Variants in CA8 observed in about 807,000 individuals in gnomAD.
The protein encoded by CA8 is carbonic anhydrase-related protein.
CA8 carries 22 observed loss-of-function variants against 41.4 expected under a neutral mutation model. That is an observed-to-expected ratio of 0.53 (90% CI 0.38 to 0.76). CA8 has a LOEUF of 0.76. Ranked by LOEUF, CA8 falls within the 30% of genes least tolerant of loss-of-function variation. The pLI, the probability that CA8 is intolerant of heterozygous loss-of-function variation, is 0.00. For synonymous variants in CA8, 121 were observed against 130.6 expected (o/e 0.93, Z 0.50); for missense variants, 270 against 352.8 (o/e 0.77, Z 1.88).
At chr8:60,237,083 T>G (rs1006806908) in intron 3 of CA8, among the ~76,000 whole-genome samples, 1 of 152,208 alleles carries the variant, frequency 6.6e-6, no homozygotes, top group East Asian at 1.9e-4. Context: ...GGCAACCCTG[T>G]GCACTTCTCC....
intron 8 of CA8, among the ~76,000 whole-genome samples, chr8:60,196,359 TTACTATATCCACTTCATAGA>T (rs1254628413): frequency 6.6e-6 from 1 of 152,146 alleles, no homozygotes; most frequent in Non-Finnish European, 1.5e-5. Flanking sequence ...GTTATAACTC[TTACTATATCCACTTCATAGA>T]TGAGGAAACT....
At chr8:60,204,202 G>T (rs988411348) in intron 8 of CA8, among the ~76,000 whole-genome samples, 1 of 152,142 alleles carries the variant, frequency 6.6e-6, no homozygotes, top group African/African-American at 2.4e-5. Flanking sequence ...CCACTTTTGA[G>T]TATACATGAG....
At chr8:60,257,154 C>T (rs11774698) in intron 3 of CA8, among the ~76,000 whole-genome samples, 76,479 of 151,466 alleles carry the variant, frequency 0.5, 21,278 homozygotes, top group African/African-American at 0.76. Context: ...ATTTTTGTAT[C>T]TTCAGTAGAA....
At chr8:60,272,358 A>G (rs1052324440) in intron 2 of CA8, among the ~76,000 whole-genome samples, 6 of 151,856 alleles carry the variant, frequency 4.0e-5, no homozygotes, top group Non-Finnish European at 7.4e-5. Context: ...TGATTTTCTT[A>G]AAGCAATGTT....
chr8:60,244,824 G>T (rs1808168871), intron 3 of CA8, among the ~76,000 whole-genome samples: 1 of 152,038 alleles, frequency 6.6e-6, no homozygotes, highest in Non-Finnish European at 1.5e-5. Context: ...GCTTACTCAG[G>T]GTCTTTCACT....
chr8:60,251,047 T>C (rs1406614099), intron 3 of CA8, among the ~76,000 whole-genome samples: 1 of 152,152 alleles, frequency 6.6e-6, no homozygotes, highest in Non-Finnish European at 1.5e-5. Context: ...TACTACAAAA[T>C]GCTATGGAGA....
chr8:60,252,347 C>T (rs1808483783), intron 3 of CA8, among the ~76,000 whole-genome samples: 1 of 152,192 alleles, frequency 6.6e-6, no homozygotes, highest in South Asian at 2.1e-4. Flanking sequence ...GAAACTCAGG[C>T]AGAGGCATAT....
At chr8:60,206,684 T>C (rs772822398) in intron 8 of CA8, among the ~76,000 whole-genome samples, 6 of 152,116 alleles carry the variant, frequency 3.9e-5, no homozygotes, top group Non-Finnish European at 8.8e-5. Flanking sequence ...CATCATTAAA[T>C]GGTAAGAGCA....
At chr8:60,216,553 C>T (rs182225761) in intron 7 of CA8, among the ~76,000 whole-genome samples, 63 of 152,246 alleles carry the variant, frequency 4.1e-4, no homozygotes, top group Non-Finnish European at 6.9e-4. Context: ...GGTTTATCTC[C>T]CAATCATCAG....
At chr8:60,235,972 G>A (rs1415321625) in intron 3 of CA8, among the ~76,000 whole-genome samples, 2 of 152,190 alleles carry the variant, frequency 1.3e-5, no homozygotes, top group Non-Finnish European at 2.9e-5. Context: ...TAAGCTAGGA[G>A]GATACCACAA....
At position 60,279,983 on chromosome 8, in the gene CA8, G is replaced by A. The variant is rs55948763; in HGVS notation, c.101-103C>T. On this transcript the variant is annotated intron_variant, in intron 1 of 8. Coordinates refer to ENST00000317995, the MANE Select transcript of CA8 (RefSeq NM_004056.6). ...CTTAGAACCCTTGATATCATGAAGA[G>A]AGTAATGATACCATCACTATACAGA... 124,977 of 850,690 alleles carry A rather than the reference G, an allele frequency of 0.15. 10,054 individuals are homozygous for A. The highest frequency in any genetic ancestry group is 0.24 in the East Asian group (9,022 of 37,870). The allele number at this position is 850,690 out of a possible 1,614,324, so 52.7% of individuals were successfully genotyped here. A position where few individuals can be genotyped will look rare whatever the true frequency, so the allele number is the denominator to read the frequency against.
intron 3 of CA8, among the ~76,000 whole-genome samples, chr8:60,257,512 G>GT (rs1405410595): frequency 2.0e-5 from 3 of 152,156 alleles, no homozygotes; most frequent in Non-Finnish European, 4.4e-5. Flanking sequence ...GTAAATCTAG[G>GT]TTTTTTTCAA....
intron 7 of CA8, among the ~76,000 whole-genome samples, chr8:60,214,852 C>A (rs553112420): frequency 2.6e-5 from 4 of 152,174 alleles, no homozygotes; most frequent in African/African-American, 9.7e-5. Flanking sequence ...CATGTATCCA[C>A]AGGGTGAAAA....
chr8:60,238,882 T>C (rs1022494196), intron 3 of CA8, among the ~76,000 whole-genome samples: 3 of 151,776 alleles, frequency 2.0e-5, no homozygotes, highest in African/African-American at 4.8e-5. Flanking sequence ...CCCAGACAAA[T>C]CCTACCTGTC....
At position 60,224,578 on chromosome 8, in the gene CA8, G is replaced by C. The variant is rs1448405074; in HGVS notation, c.584C>G (p.Ser195Cys). The C allele has an allele frequency of 1.9e-6, 3 of 1,564,834 alleles. No homozygotes were observed. Among genetic ancestry groups the C allele is most frequent in the Non-Finnish European group, 2.6e-6 (3 of 1,136,770 alleles). The change falls in exon 6 of 9, where the codon TCC (serine) becomes TGC (cysteine). Residue 195 changes from serine (S) to cysteine (C), a missense_variant. Ser to Cys is a moderately radical substitution (Grantham distance 112). Transcript: ENST00000317995. ...ILQDIQYKGK[S>C]KTIPCFNPNT... The stretch of plus-strand genomic sequence containing the variant: ...AGGATTAAAGCAAGGTATTGTTTTG[G>C]ACTTCCCCTGAAAAAGAAAAAAATA...
At chr8:60,203,025 A>T (rs551963204) in intron 8 of CA8, among the ~76,000 whole-genome samples, 36 of 152,314 alleles carry the variant, frequency 2.4e-4, no homozygotes, top group Admixed American at 7.8e-4. Flanking sequence ...AAACAAAAAA[A>T]AATAATAATT....
chr8:60,224,605 T>C lies in CA8; in HGVS notation c.577-20A>G, dbSNP rs1277044859. 2.2e-6 allele frequency: 3 copies of C among 1,375,766 alleles called. No individual in the cohort carries two copies. The highest frequency in any genetic ancestry group is 1.2e-5 in the South Asian group (1 of 84,922). 85.2% of individuals were successfully genotyped at this position (1,375,766 alleles called of 1,614,324 possible). ...CTTCCCCTGAAAAAGAAAAAAATAT[T>C]TACCCAATGTTAATGTAATATTTCT... On this transcript the variant is annotated intron_variant, in intron 5 of 8. Coordinates refer to ENST00000317995, the MANE Select transcript of CA8 (RefSeq NM_004056.6).
chr8:60,258,948 T>C (rs1407856519), intron 3 of CA8, among the ~76,000 whole-genome samples: 1 of 152,156 alleles, frequency 6.6e-6, no homozygotes, highest in Non-Finnish European at 1.5e-5. Flanking sequence ...GGACCCCTGT[T>C]CTAAATACTC....
In CA8 at chr8:60,276,453, C is replaced by T. The variant is rs1804240530; in HGVS notation, c.292+3236G>A. Among the ~76,000 whole-genome samples the T allele has an allele frequency of 2.0e-5, 3 of 151,912 alleles. 1 individual carries two copies. Among genetic ancestry groups the T allele is most frequent in the Non-Finnish European group, 4.4e-5 (3 of 67,998 alleles). On this transcript the variant is annotated intron_variant, in intron 2 of 8. Coordinates refer to ENST00000317995, the MANE Select transcript of CA8 (RefSeq NM_004056.6). ...GTTAGAGAGTTTGCAAATTAATTAC[C>T]GACAGATAAAAAATTCAATTAACAA...
Sources: gnomAD v4.1 joint callset for allele counts (sites outside exome capture counted in the v4.1 genomes callset) on GRCh38, gnomAD v4.1.1 for gene constraint, MANE v1.5 for transcripts, NCBI Gene and HGNC (gene_info 2026-07-23, HGNC 2026-07-21) for gene names.